Variants in CSE1L observed in about 807,000 individuals in gnomAD.
CSE1L encodes chromosome segregation 1 like, also known as exportin-2.
Under a neutral mutation model 120.4 loss-of-function variants are expected in CSE1L, and 24 were observed. That is an observed-to-expected ratio of 0.20 (90% CI 0.14 to 0.28). The LOEUF is 0.28. CSE1L is among the 10% of genes least tolerant of loss of function. CSE1L has a pLI of 1.00. For missense variants in CSE1L, 830 were observed against 1,145.2 expected, an observed-to-expected ratio of 0.72 and a Z score of 3.97; for synonymous variants, 402 against 398.3, an observed-to-expected ratio of 1.01 and a Z score of -0.11.
chr20:49,088,065 C>T lies in CSE1L; in HGVS notation c.1780C>T (p.Leu594Phe), dbSNP rs148320954. ...QEAIIPYIPTLITQLTQKLLA... is the reference protein window; with the variant it reads ...QEAIIPYIPTFITQLTQKLLA... ...AGCCATAATCCCCTACATCCCTACT[C>T]TCATCACTCAGCTTACACAGAAGCT... The change falls in exon 17 of 25, where the codon CTC becomes TTC. Residue 594 changes from leucine to phenylalanine, a missense_variant. Coordinates refer to ENST00000262982, the MANE Select transcript of CSE1L (RefSeq NM_001316.4). The T allele has an allele frequency of 1.2e-6, 2 of 1,612,832 alleles. No individual in the cohort carries two copies. Among genetic ancestry groups the T allele is most frequent in the Non-Finnish European group, 1.7e-6 (2 of 1,179,370 alleles).
Position 49,066,358 on chromosome 20 carries a change from C to G in CSE1L, c.331-7C>G. ...GCTCTGATCTAATTAATCTTTTCCT[C>G]TCCTAGTTAAGTGATGCAATTAGCA... On this transcript the variant is annotated splice_polypyrimidine_tract_variant and splice_region_variant and intron_variant, in intron 4 of 24. Transcript: ENST00000262982. The G allele has an allele frequency of 1.2e-6, 2 of 1,614,136 alleles. No individual in the cohort carries two copies. The highest frequency in any genetic ancestry group is 1.7e-6 in the Non-Finnish European group (2 of 1,180,028).
At chr20:49,069,669 T>C (rs896121277) in intron 7 of CSE1L, among the ~76,000 whole-genome samples, 6 of 152,222 alleles carry the variant, frequency 3.9e-5, no homozygotes, top group Admixed American at 3.3e-4. Flanking sequence ...AGTACTACTA[T>C]TTTTGCTTAC....
chr20:49,074,656 G>GAC, intron 10 of CSE1L, 129 bp from the exon 11 acceptor site: 1 of 606,448 alleles, frequency 1.6e-6, no homozygotes, highest in Non-Finnish European at 2.8e-6. Context: ...AGTATATGAA[G>GAC]TAGTCATCTG....
In CSE1L at chr20:49,075,397, C is replaced by T. The variant is rs750420067; in HGVS notation, c.1212C>T (p.Ile404=). The change falls in exon 12 of 25, where the codon ATC becomes ATT. Residue 404 remains isoleucine (I), a synonymous_variant. Transcript: ENST00000262982. The part of the protein sequence containing the change: ...CKFFEGPVTG[I]FSGYVNSMLQ... ...TTTTTGAGGGACCTGTGACAGGAAT[C>T]TTCTCTGGTTATGTTAATTCCATGC... 4 of 1,613,978 alleles carry T rather than the reference C, an allele frequency of 2.5e-6. No individual in the cohort carries two copies. Among genetic ancestry groups the T allele is most frequent in the Non-Finnish European group, 8.5e-7 (1 of 1,179,996 alleles).
Position 49,096,458 on chromosome 20 carries a change from C to T in CSE1L, c.*20C>T. On this transcript the variant is annotated 3_prime_UTR_variant, in exon 25 of 25. Coordinates refer to ENST00000262982, the MANE Select transcript of CSE1L (RefSeq NM_001316.4). ...CTTTAAACTGCATTTTTCTAATGGG[C>T]TAAACCCAGATGGTTTCCTAGGAAA... 1 of 1,570,024 alleles carries T rather than the reference C, an allele frequency of 6.4e-7. No homozygotes were observed. Among genetic ancestry groups the T allele is most frequent in the Non-Finnish European group, 8.8e-7 (1 of 1,139,880 alleles).
chr20:49,058,607 T>G lies in CSE1L; in HGVS notation c.85+59T>G. 10 of 1,306,136 alleles carry G rather than the reference T, an allele frequency of 7.7e-6. No homozygotes were observed. The Admixed American group carries it at 1.7e-4, about 23-fold the overall frequency. 80.9% of individuals were successfully genotyped at this position (1,306,136 alleles called of 1,614,324 possible). A position where few individuals can be genotyped will look rare whatever the true frequency, so the allele number is the denominator to read the frequency against. ...TCCTTCAGGACAGGTGAGAGAAACCTATGTATTATCTGCCTCCTTATAAAT... is the reference window on the plus strand; with the variant it reads ...TCCTTCAGGACAGGTGAGAGAAACCGATGTATTATCTGCCTCCTTATAAAT... On this transcript the variant is annotated intron_variant, in intron 2 of 24. Coordinates refer to ENST00000262982, the MANE Select transcript of CSE1L (RefSeq NM_001316.4).
chr20:49,095,087 C>T, intron 24 of CSE1L, 124 bp downstream of exon 24: 1 of 761,372 alleles, frequency 1.3e-6, no homozygotes. Flanking sequence ...CATTGAGTTA[C>T]AGCAAGCTTA....
intron 18 of CSE1L, 25 bp downstream of exon 18, chr20:49,089,422 T>C: frequency 1.2e-6 from 2 of 1,608,078 alleles, no homozygotes; most frequent in Middle Eastern, 1.7e-4. Flanking sequence ...ATTATTTTCT[T>C]TGTAATGGAA....
chr20:49,084,017 GT>G lies in CSE1L; in HGVS notation c.1483-3del, dbSNP rs767074432. ...GCATTTAGAGCATGTATATTATTGT[GT>G]TTTTTAGGTGCCAAAAGAACATCTT... On this transcript the variant is annotated splice_region_variant and splice_polypyrimidine_tract_variant and intron_variant, in intron 14 of 24. Transcript: ENST00000262982. 7.6e-5 allele frequency: 123 copies of G among 1,611,594 alleles called. No individual in the cohort carries two copies. The highest frequency in any genetic ancestry group is 9.1e-5 in the Non-Finnish European group (107 of 1,178,184).
chr20:49,094,708 A>G, intron 23 of CSE1L, 24 bp from the exon 24 acceptor site: 8 of 1,529,308 alleles, frequency 5.2e-6, no homozygotes, highest in Non-Finnish European at 7.2e-6. Flanking sequence ...TGACCTTTTT[A>G]TCTCTTGCTT....
intron 10 of CSE1L, among the ~76,000 whole-genome samples, chr20:49,073,347 AATG>A (rs1413113697): frequency 1.3e-5 from 2 of 152,170 alleles, no homozygotes; most frequent in African/African-American, 4.8e-5. Context: ...TGAGAATAGA[AATG>A]ATAACTTTAT....
At chr20:49,046,492 C>G (rs1028178225) in intron 1 of CSE1L, 69 bp downstream of exon 1, 5 of 152,404 alleles carry the variant, frequency 3.3e-5, no homozygotes, top group African/African-American at 1.2e-4. Context: ...GGATGAGGCG[C>G]TCCCGGTACT....
intron 22 of CSE1L, among the ~76,000 whole-genome samples, chr20:49,092,861 C>T (rs560784940): frequency 2.6e-4 from 39 of 150,900 alleles, no homozygotes; most frequent in Admixed American, 2.1e-3. Context: ...TTTAAAAAAT[C>T]GTGCTAATCC....
In CSE1L at chr20:49,046,329, G is replaced by C. The variant is rs1452162670; in HGVS notation, c.-106G>C. 2 of 152,410 alleles carry C rather than the reference G, an allele frequency of 1.3e-5. No homozygotes were observed. The highest frequency in any genetic ancestry group is 2.9e-5 in the Non-Finnish European group (2 of 68,190). The allele number at this position is 152,410 out of a possible 1,614,324, so 9.4% of individuals were successfully genotyped here. Reference sequence around the variant, plus strand: ...GGCTCGCTGTCGCGCCATTTTGCCGGGGTTTGAATGTGAGGCGGAGCGGCG... The same window carrying C: ...GGCTCGCTGTCGCGCCATTTTGCCGCGGTTTGAATGTGAGGCGGAGCGGCG... On this transcript the variant is annotated 5_prime_UTR_variant, in exon 1 of 25. Coordinates refer to ENST00000262982, the MANE Select transcript of CSE1L (RefSeq NM_001316.4).
chr20:49,053,147 CTTTTTTTT>C (rs71184250), intron 1 of CSE1L, among the ~76,000 whole-genome samples: 16,846 of 122,768 alleles, frequency 0.14, 1,628 homozygotes, highest in African/African-American at 0.31. Flanking sequence ...CCCTGTCTCT[CTTTTTTTT>C]TTTTTTTTTT....
At chr20:49,075,222 C>A in intron 11 of CSE1L, 96 bp from the exon 12 acceptor site, 1 of 1,013,946 alleles carries the variant, frequency 9.9e-7, no homozygotes, top group Non-Finnish European at 1.4e-6. Flanking sequence ...ACAATCGTAG[C>A]CAAATTATTC....
chr20:49,086,178 C>T (rs1471127126), intron 16 of CSE1L, among the ~76,000 whole-genome samples: 1 of 152,064 alleles, frequency 6.6e-6, no homozygotes, highest in Non-Finnish European at 1.5e-5. Context: ...GTGTTTTTCA[C>T]TGTTGCATCC....
chr20:49,053,347 C>CTTTTTTT (rs11419181), intron 1 of CSE1L, among the ~76,000 whole-genome samples: 2 of 63,750 alleles, frequency 3.1e-5, no homozygotes, highest in Admixed American at 2.4e-4. Context: ...AGCAAACTAA[C>CTTTTTTT]TTTTTTTTTT....
intron 19 of CSE1L, among the ~76,000 whole-genome samples, chr20:49,090,172 T>C (rs1042213209): frequency 6.6e-5 from 10 of 152,166 alleles, no homozygotes; most frequent in Middle Eastern, 6.9e-3. Flanking sequence ...GTAGAAAATG[T>C]TATGGTATGT....
Sources: gnomAD v4.1 joint callset for allele counts (sites outside exome capture counted in the v4.1 genomes callset) on GRCh38, gnomAD v4.1.1 for gene constraint, MANE v1.5 for transcripts, NCBI Gene and HGNC (gene_info 2026-07-23, HGNC 2026-07-21) for gene names.